PARP4: variants seen among roughly 807,000 people sequenced by gnomAD.
PARP4 encodes the protein poly(ADP-ribose) polymerase family member 4, also known as protein mono-ADP-ribosyltransferase PARP4.
PARP4 carries 120 observed loss-of-function variants against 187.7 expected under a neutral mutation model. That is an observed-to-expected ratio of 0.64 (90% CI 0.55 to 0.74). The LOEUF (loss-of-function observed/expected upper bound fraction) is 0.74. Among genes scored for constraint, PARP4 ranks in the 30% least tolerant of loss-of-function variants. PARP4 has a pLI of 0.00. For missense variants in PARP4, 1,836 were observed against 2,070.5 expected, an observed-to-expected ratio of 0.89 and a Z score of 2.20; for synonymous variants, 654 against 740.9, an observed-to-expected ratio of 0.88 and a Z score of 1.90.
At chr13:24,452,283 C>T (rs1376227172) in intron 24 of PARP4, 123 bp downstream of exon 24, 2 of 740,542 alleles carry the variant, frequency 2.7e-6, no homozygotes. Context: ...GGAGCCCCAT[C>T]CCTCTATGCT....
intron 4 of PARP4, 123 bp from the exon 5 acceptor site, chr13:24,499,499 G>C (rs565880031): frequency 2.7e-5 from 20 of 735,444 alleles, no homozygotes; most frequent in African/African-American, 7.4e-5. Flanking sequence ...CAAAACACAT[G>C]GTAAGTCCAC....
chr13:24,489,645 T>C (rs950468222), intron 10 of PARP4, among the ~76,000 whole-genome samples: 1 of 151,946 alleles, frequency 6.6e-6, no homozygotes, highest in African/African-American at 2.4e-5. Context: ...ACAAAAGAAA[T>C]CATAGCCATC....
rs1869440087 is a variant in PARP4 at position 24,503,711 on chromosome 13, C to T, written c.66G>A (p.Gln22=). The change falls in exon 2 of 34, where the codon CAG becomes CAA. Residue 22 remains glutamine (Q), a synonymous_variant. Transcript: ENST00000381989. ...TAATGTCAGTTTGTAGCTTTTTCTT[C>T]TGCTGCTGAGGTAAGTACTTCACTT... ...CLKVKYLPQQ[Q]KKKLQTDIKE... 5.0e-6 allele frequency: 8 copies of T among 1,613,878 alleles called. No homozygotes were observed. In the East Asian group the frequency reaches 1.8e-4, roughly 36 times the overall value.
chr13:24,482,173 T>C (rs942734307), intron 12 of PARP4, among the ~76,000 whole-genome samples: 12 of 152,220 alleles, frequency 7.9e-5, no homozygotes, highest in Admixed American at 2.6e-4. Context: ...TGGGACTGAA[T>C]TGCTGCAATC....
At chr13:24,498,587 G>A (rs151150546) in intron 5 of PARP4, among the ~76,000 whole-genome samples, 2 of 152,038 alleles carry the variant, frequency 1.3e-5, no homozygotes, top group South Asian at 2.1e-4. Context: ...GGCTAGTGTC[G>A]ATTTATATCT....
At chr13:24,498,290 T>C in intron 5 of PARP4, 61 bp from the exon 6 acceptor site, 2 of 911,992 alleles carry the variant, frequency 2.2e-6, no homozygotes, top group South Asian at 1.4e-5. Flanking sequence ...ACATGTGCCA[T>C]TTGAAAATGT....
chr13:24,461,056 C>T (rs1872195195), intron 17 of PARP4, among the ~76,000 whole-genome samples: 1 of 152,142 alleles, frequency 6.6e-6, no homozygotes, highest in African/African-American at 2.4e-5. Flanking sequence ...CCATGACTAG[C>T]TAGGGCAGAA....
intron 10 of PARP4, among the ~76,000 whole-genome samples, chr13:24,486,783 C>CT (rs1445790919): frequency 6.6e-6 from 1 of 152,180 alleles, no homozygotes; most frequent in Non-Finnish European, 1.5e-5. Flanking sequence ...GAAACCCCGT[C>CT]TCTCCTAAAA....
intron 25 of PARP4, 120 bp from the exon 26 acceptor site, chr13:24,447,306 T>A: frequency 1.7e-6 from 1 of 575,612 alleles, no homozygotes; most frequent in Non-Finnish European, 2.8e-6. Context: ...GTATTTTCTC[T>A]CCTTCCTGCT....
Position 24,501,777 on chromosome 13 carries a change from T to C in PARP4, c.190A>G (p.Ile64Val), listed in dbSNP as rs768195348. Residue 64 changes from isoleucine to valine, a missense_variant, in exon 3 of 34, where the codon ATC (isoleucine) becomes GTC (valine). Ile to Val is a conservative substitution (Grantham distance 29, BLOSUM62 3). This residue lies in a region of PARP4 where 1,147 missense variants were observed against 1,214.2 expected (regional missense o/e 0.94). Coordinates refer to ENST00000381989, the MANE Select transcript of PARP4 (RefSeq NM_006437.4). Reference sequence around the variant, plus strand: ...GCAATATGAACGTGGTTCTTTTGGATAGAATTCAGTTGGTACTGACTCAGA... The same window carrying C: ...GCAATATGAACGTGGTTCTTTTGGACAGAATTCAGTTGGTACTGACTCAGA... ...DVLSQYQLNS[I>V]QKNHVHIANP... The C allele has an allele frequency of 3.1e-6, 5 of 1,613,098 alleles. No homozygotes were observed. In the South Asian group the frequency reaches 5.5e-5, roughly 18 times the overall value.
Position 24,435,073 on chromosome 13 carries a change from G to A in PARP4, c.4068C>T (p.Pro1356=). The A allele has an allele frequency of 6.2e-7, 1 of 1,614,164 alleles. No individual in the cohort carries two copies. Among genetic ancestry groups the A allele is most frequent in the Non-Finnish European group, 8.5e-7 (1 of 1,180,040 alleles). The change falls in exon 31 of 34, where the codon CCC becomes CCT. Residue 1356 remains proline (P), a synonymous_variant. Transcript: ENST00000381989. The part of the protein sequence containing the change: ...QVASFGSAAP[P]RQFDASQFSQ... ...TGAATTGAGATGCATCAAACTGTCT[G>A]GGAGGAGCAGCTGAACCGAAACTAG...
At position 24,469,056 on chromosome 13, in the gene PARP4, G is replaced by A; in HGVS notation, c.2101C>T (p.His701Tyr). The change falls in exon 17 of 34, where the codon CAT becomes TAT. Residue 701 changes from histidine to tyrosine, a missense_variant. Around this residue, in one of 8 missense-constraint regions of PARP4, gnomAD observed 1,147 missense variants for 1,214.2 expected, o/e 0.94. Transcript: ENST00000381989. ...TCCTGACTCATCAGGTAAGCGCCAT[G>A]GCCCTGGGTCACGGCTTCTAGGTAC... ...QEYLEAVTQGHGAYLMSQDAP... is the reference protein window; with the variant it reads ...QEYLEAVTQGYGAYLMSQDAP... The A allele has an allele frequency of 6.2e-7, 1 of 1,613,952 alleles. No individual in the cohort carries two copies. Among genetic ancestry groups the A allele is most frequent in the Middle Eastern group, 1.7e-4 (1 of 6,058 alleles).
At chr13:24,426,376 G>T in intron 33 of PARP4, 90 bp downstream of exon 33, 1 of 1,023,588 alleles carries the variant, frequency 9.8e-7, no homozygotes, top group Non-Finnish European at 1.5e-6. Flanking sequence ...GTGTACACAT[G>T]TAAGATAATT....
At chr13:24,510,730 T>TACCATC (rs1226319966) in intron 1 of PARP4, among the ~76,000 whole-genome samples, 4,520 of 152,094 alleles carry the variant, frequency 0.03, 220 homozygotes, top group African/African-American at 0.098. Flanking sequence ...TGGTACAGTT[T>TACCATC]TTAAAACTGT....
chr13:24,455,434 A>G (rs1422369904), intron 21 of PARP4, among the ~76,000 whole-genome samples: 1 of 149,088 alleles, frequency 6.7e-6, no homozygotes, highest in African/African-American at 2.5e-5. Flanking sequence ...CTGAGAGGTC[A>G]AGAATTAGTA....
Position 24,507,044 on chromosome 13 carries a change from G to GC in PARP4, c.-1-3268dup, listed in dbSNP as rs1869739110. ...CCCGGCACACCCTCCGCTGCTGCTG[G>GC]CCCGGACGCTAAGCCCCTCACTGTC... On this transcript the variant is annotated intron_variant, in intron 1 of 33. Transcript: ENST00000381989. 8.5e-5 allele frequency among the ~76,000 whole-genome samples: 13 copies of GC among 152,336 alleles called. 1 individual carries two copies. The South Asian group carries it at 2.3e-3, about 27-fold the overall frequency.
intron 10 of PARP4, 71 bp downstream of exon 10, chr13:24,490,597 A>AT: frequency 8.6e-7 from 1 of 1,161,284 alleles, no homozygotes; most frequent in Non-Finnish European, 1.3e-6. Context: ...AATTACTGTA[A>AT]TTAGCTCTTT....
intron 30 of PARP4, among the ~76,000 whole-genome samples, chr13:24,439,497 CAT>C (rs1870807746): frequency 7.2e-6 from 1 of 139,812 alleles, no homozygotes; most frequent in Admixed American, 7.2e-5. Context: ...AAACACTTAA[CAT>C]ATGTAGCAGA....
chr13:24,493,696 C>T lies in PARP4; in HGVS notation c.779G>A (p.Ser260Asn), dbSNP rs1831570554. 6.2e-7 allele frequency: 1 copy of T among 1,613,978 alleles called. No homozygotes were observed. Among genetic ancestry groups the T allele is most frequent in the Non-Finnish European group, 8.5e-7 (1 of 1,179,966 alleles). ...LEEVMNSSTL[S>N]QEVSDLVEMI... ...CTCTACTAAATCGCTCACCTCTTGG[C>T]TCAGAGTGCTTGAATTCATGACTTC... The change falls in exon 8 of 34, where the codon AGC becomes AAC. Residue 260 changes from serine (S) to asparagine (N), a missense_variant. By Grantham distance (46) the Ser-to-Asn change is conservative. Transcript: ENST00000381989.
Sources: allele counts gnomAD v4.1 joint callset (sites outside exome capture counted in the v4.1 genomes callset), GRCh38; gene constraint gnomAD v4.1.1; regional missense constraint gnomAD v4.1.1; transcripts MANE v1.5; gene names NCBI Gene and HGNC (gene_info 2026-07-23, HGNC 2026-07-21).